Variants in ZNF142 observed in about 807,000 individuals in gnomAD.
The protein encoded by ZNF142 is zinc finger protein 142 (clone pHZ-49).
ZNF142 carries 96 observed loss-of-function variants against 132.1 expected under a neutral mutation model. The ratio of observed to expected loss-of-function variants is 0.73; its 90% confidence interval spans 0.62 to 0.86. The LOEUF is 0.86. Ranked by LOEUF, ZNF142 falls within the 40% of genes least tolerant of loss-of-function variation. ZNF142 has a pLI of 0.00. For missense variants in ZNF142, 2,163 were observed against 2,336.2 expected, an observed-to-expected ratio of 0.93 and a Z score of 1.53; for synonymous variants, 842 against 890.1, an observed-to-expected ratio of 0.95 and a Z score of 0.96.
chr2:218,640,640 C>T (rs1479571026), intron 10 of ZNF142, 24 bp downstream of exon 10: 1 of 1,609,216 alleles, frequency 6.2e-7, no homozygotes, highest in Non-Finnish European at 8.5e-7. Context: ...ACCCTTCAGG[C>T]CTGTCGAAAC....
At position 218,633,377 on chromosome 2, in the gene ZNF142, C is replaced by G. The variant is rs1198123595; in HGVS notation, c.*4962G>C. The G allele has an allele frequency of 2.3e-5, 16 of 705,550 alleles. No individual in the cohort carries two copies. The allele number at this position is 705,550 out of a possible 1,614,324, so 43.7% of individuals were successfully genotyped here. ...TGCAGACCGCCTTTATTCCCATTCC[C>G]ACCCCCAGGTTGTGACGTGCCCGCT... On this transcript the variant is annotated 3_prime_UTR_variant, in exon 11 of 11. Coordinates refer to ENST00000411696, the MANE Select transcript of ZNF142 (RefSeq NM_001379659.1).
chr2:218,645,161 A>T (rs1559295379), intron 8 of ZNF142, 97 bp from the exon 9 acceptor site: 1 of 1,452,782 alleles, frequency 6.9e-7, no homozygotes, highest in Admixed American at 1.9e-5. Flanking sequence ...CTCTGCACTC[A>T]GTATCATACA....
chr2:218,642,664 T>C lies in ZNF142; in HGVS notation c.4452A>G (p.Pro1484=). Residue 1484 remains proline, a synonymous_variant, in exon 9 of 11, where the codon CCA becomes CCG. Transcript: ENST00000411696. This position sits in a 1 kb window ranked among gnomAD's most constrained non-coding sequence, Gnocchi z 4.6. The part of the protein sequence containing the change: ...RHVNSCHQGT[P]AFACSQCEAQ... ...CTTCACACTGGGAGCAGGCAAAGGCTGGGGTGCCTTGGTGGCAGCTGTTGA... is the reference window on the plus strand; with the variant it reads ...CTTCACACTGGGAGCAGGCAAAGGCCGGGGTGCCTTGGTGGCAGCTGTTGA... 1 of 1,614,068 alleles carries C rather than the reference T, an allele frequency of 6.2e-7. No individual in the cohort carries two copies. The highest frequency in any genetic ancestry group is 8.5e-7 in the Non-Finnish European group (1 of 1,180,010).
chr2:218,633,780 G>A lies in ZNF142; in HGVS notation c.*4559C>T. 1 of 1,613,028 alleles carries A rather than the reference G, an allele frequency of 6.2e-7. No homozygotes were observed. ...GAGGCTGGTCAGGACCAAAATGGAG[G>A]GATGGGGAGGGAAGTGGGATGGATA... On this transcript the variant is annotated 3_prime_UTR_variant, in exon 11 of 11. Coordinates refer to ENST00000411696, the MANE Select transcript of ZNF142 (RefSeq NM_001379659.1).
chr2:218,650,331 A>C (rs1356457486), intron 6 of ZNF142, 28 bp downstream of exon 6: 1 of 1,613,736 alleles, frequency 6.2e-7, no homozygotes, highest in Non-Finnish European at 8.5e-7. Context: ...CCCACCACCA[A>C]GGGCTTCAAG....
chr2:218,651,907 C>T lies in ZNF142; in HGVS notation c.674G>A (p.Cys225Tyr). 1.6e-6 allele frequency: 2 copies of T among 1,281,848 alleles called. No homozygotes were observed. Among genetic ancestry groups the T allele is most frequent in the Non-Finnish European group, 2.0e-6 (2 of 981,574 alleles). 79.4% of individuals were successfully genotyped at this position (1,281,848 alleles called of 1,614,324 possible). ...RQTHRAVPVP[C>Y]SFRGCPLLFG... ...AAGCAGGGGGCAGCCCCGGAAAGAA[C>T]AGGGCACAGGAACTGCTCTGTGAGT... Residue 225 changes from cysteine to tyrosine, a missense_variant, in exon 5 of 11, where the codon TGT becomes TAT. Coordinates refer to ENST00000411696, the MANE Select transcript of ZNF142 (RefSeq NM_001379659.1).
At position 218,655,037 on chromosome 2, in the gene ZNF142, C is replaced by T. The variant is rs974254856; in HGVS notation, c.280+1113G>A. On this transcript the variant is annotated intron_variant, in intron 4 of 10. Transcript: ENST00000411696. ...CCAGGAGGTCAAGGCTGCAGTGAGCCGTAACTGTGCCACTGCACTCTAGCC... is the reference window on the plus strand; with the variant it reads ...CCAGGAGGTCAAGGCTGCAGTGAGCTGTAACTGTGCCACTGCACTCTAGCC... Among the ~76,000 whole-genome samples the T allele has an allele frequency of 4.1e-4, 62 of 152,058 alleles. 1 individual carries two copies. The highest frequency in any genetic ancestry group is 1.4e-3 in the African/African-American group (60 of 41,394).
chr2:218,646,108 G>A (rs750736375), intron 8 of ZNF142, 63 bp downstream of exon 8: 19 of 1,572,988 alleles, frequency 1.2e-5, no homozygotes, highest in Non-Finnish European at 1.4e-5. Flanking sequence ...AGTTAGATCC[G>A]AGAGGAAGCT....
rs1248615667 is a variant in ZNF142, at chr2:218,633,669, T to C, written c.*4670A>G. On this transcript the variant is annotated 3_prime_UTR_variant, in exon 11 of 11. Coordinates refer to ENST00000411696, the MANE Select transcript of ZNF142 (RefSeq NM_001379659.1). ...GTTATCTACTTGAAGTCTGTCTCAT[T>C]CCGCAGCTTCACACATTCAAAGGAG... The C allele has an allele frequency of 6.2e-7, 1 of 1,613,422 alleles. No homozygotes were observed. Among genetic ancestry groups the C allele is most frequent in the Admixed American group, 1.7e-5 (1 of 60,024 alleles).
At chr2:218,646,759 G>C (rs1187097678) in intron 7 of ZNF142, among the ~76,000 whole-genome samples, 1 of 151,970 alleles carries the variant, frequency 6.6e-6, no homozygotes, top group African/African-American at 2.4e-5. Flanking sequence ...TAATTTTTTT[G>C]TATTTTTAGT....
chr2:218,638,381 G>A lies in ZNF142; in HGVS notation c.5622C>T (p.Ser1874=), dbSNP rs762050305. The A allele has an allele frequency of 1.3e-6, 2 of 1,530,836 alleles. No homozygotes were observed. Among genetic ancestry groups the A allele is most frequent in the Non-Finnish European group, 1.8e-6 (2 of 1,136,780 alleles). 94.8% of individuals were successfully genotyped at this position (1,530,836 alleles called of 1,614,324 possible). ...HLHDVQLEDP[S]PPAPAAPHTG... is the part of the protein sequence containing the mutation. ...TGTGGGGAGCGGCAGGAGCAGGAGG[G>A]CTGGGATCCTCCAGCTGCACATCAT... The change falls in exon 11 of 11, where the codon AGC becomes AGT. Residue 1874 remains serine, a synonymous_variant. Transcript: ENST00000411696.
rs1182175325 is a variant in ZNF142, at chr2:218,634,645, A to G, written c.*3694T>C. The G allele has an allele frequency of 6.2e-7, 1 of 1,611,028 alleles. No homozygotes were observed. The highest frequency in any genetic ancestry group is 1.3e-5 in the African/African-American group (1 of 74,750). On this transcript the variant is annotated 3_prime_UTR_variant, in exon 11 of 11. Coordinates refer to ENST00000411696, the MANE Select transcript of ZNF142 (RefSeq NM_001379659.1). The surrounding 1 kb of genome is among the most constrained non-coding windows in gnomAD (Gnocchi z 4.0). ...TCTTAATCCAGGTACAGTGGAAATA[A>G]ACTGTTGGGAAGAAACTGAGATAAC...
intron 8 of ZNF142, among the ~76,000 whole-genome samples, chr2:218,645,864 C>G (rs549097990): frequency 1.3e-5 from 2 of 152,162 alleles, no homozygotes; most frequent in African/African-American, 4.8e-5. Context: ...CCGGCTCAAG[C>G]GATTCTAGTG....
rs1489839620 is a variant in ZNF142, at chr2:218,643,461, G to C, written c.3655C>G (p.His1219Asp). 6.2e-7 allele frequency: 1 copy of C among 1,614,250 alleles called. No homozygotes were observed. Among genetic ancestry groups the C allele is most frequent in the Admixed American group, 1.7e-5 (1 of 60,036 alleles). Residue 1219 changes from histidine (H) to aspartate (D), a missense_variant, in exon 9 of 11, where the codon CAC becomes GAC. Coordinates refer to ENST00000411696, the MANE Select transcript of ZNF142 (RefSeq NM_001379659.1). The part of the protein sequence containing the change: ...NSSPTEALKK[H>D]RFEQGKFHCN... ...TGAAACTTGCCCTGCTCAAAGCGGT[G>C]CTTCTTCAGGGCCTCTGTGGGTGAG...
rs1384229130 is a variant in ZNF142 at position 218,651,999 on chromosome 2, G to A, written c.582C>T (p.Ser194=). The change falls in exon 5 of 11, where the codon TCC becomes TCT. Residue 194 remains serine, a synonymous_variant. Transcript: ENST00000411696. ...KIHRGTPDTF[S]CPESGCVFSA... ...AGAACACACAGCCAGATTCTGGGCA[G>A]GAGAAGGTGTCAGGAGTGCCCCGGT... The A allele has an allele frequency of 7.1e-6, 5 of 706,494 alleles. No homozygotes were observed. In the East Asian group the frequency reaches 3.2e-4, roughly 46 times the overall value. 43.8% of individuals were successfully genotyped at this position (706,494 alleles called of 1,614,324 possible). A position where few individuals can be genotyped will look rare whatever the true frequency, so the allele number is the denominator to read the frequency against.
In ZNF142 at chr2:218,642,237, G is replaced by A. The variant is rs751295416; in HGVS notation, c.4879C>T (p.Pro1627Ser). The A allele has an allele frequency of 3.1e-6, 5 of 1,614,198 alleles. No homozygotes were observed. In the Admixed American group the frequency reaches 8.3e-5, roughly 27 times the overall value. Residue 1627 changes from proline to serine, a missense_variant, in exon 9 of 11, where the codon CCC (proline) becomes TCC (serine). Transcript: ENST00000411696. The surrounding 1 kb of genome is among the most constrained non-coding windows in gnomAD (Gnocchi z 4.6). Reference protein sequence around the residue: ...GDAGQPPLHCPFCDFTCRHQL... With the variant: ...GDAGQPPLHCSFCDFTCRHQL... ...TGGCGGCATGTGAAGTCACAAAAGG[G>A]GCAGTGTAGCGGGGGCTGGCCAGCA...
Position 218,644,771 on chromosome 2 carries a change from G to T in ZNF142, c.2345C>A (p.Thr782Asn), listed in dbSNP as rs774857699. The T allele has an allele frequency of 2.5e-6, 4 of 1,614,240 alleles. No individual in the cohort carries two copies. In the East Asian group the frequency reaches 8.9e-5, roughly 36 times the overall value. ...EFHCALCDYR[T>N]FSNTTLLFHK... is the part of the protein sequence containing the mutation. ...GAACAAGAGTGTGGTGTTGCTGAAG[G>T]TGCGGTAGTCACAGAGGGCACAGTG... The change falls in exon 9 of 11, where the codon ACC becomes AAC. Residue 782 changes from threonine (T) to asparagine (N), a missense_variant. Coordinates refer to ENST00000411696, the MANE Select transcript of ZNF142 (RefSeq NM_001379659.1). The surrounding 1 kb of genome is among the most constrained non-coding windows in gnomAD (Gnocchi z 4.6).
rs895199779 is a variant in ZNF142, at chr2:218,635,195, G to C, written c.*3144C>G. 2.0e-5 allele frequency among the ~76,000 whole-genome samples: 3 copies of C among 152,034 alleles called. No individual in the cohort carries two copies. The highest frequency in any genetic ancestry group is 4.4e-5 in the Non-Finnish European group (3 of 67,984). On this transcript the variant is annotated 3_prime_UTR_variant, in exon 11 of 11. Coordinates refer to ENST00000411696, the MANE Select transcript of ZNF142 (RefSeq NM_001379659.1). ...AGGCTGGAGGGTCACTTTAGCCCAG[G>C]AGATGGAGGTTGCAGTGAGCTATGA...
chr2:218,640,020 C>G (rs1697044099), intron 10 of ZNF142, among the ~76,000 whole-genome samples: 1 of 124,730 alleles, frequency 8.0e-6, no homozygotes, highest in Admixed American at 9.9e-5. Flanking sequence ...TTAGATTGCG[C>G]CACTGCACTC....
Sources: allele counts gnomAD v4.1 joint callset (sites outside exome capture counted in the v4.1 genomes callset), GRCh38; gene constraint gnomAD v4.1.1; non-coding constraint Gnocchi (gnomAD v3.1); transcripts MANE v1.5; gene names NCBI Gene and HGNC (gene_info 2026-07-23, HGNC 2026-07-21).